SAMTOR: variants seen among roughly 807,000 people sequenced by gnomAD.
SAMTOR encodes UPF0532 protein C7orf60.
the SAMTOR span, among the ~76,000 whole-genome samples, chr7:112,915,947 TATTTCTAC>T: frequency 6.6e-6 from 1 of 152,236 alleles, no homozygotes; most frequent in East Asian, 1.9e-4. Flanking sequence ...TATCTTCTTG[TATTTCTAC>T]ATTTATTAAA....
At chr7:112,850,529 G>A in the SAMTOR span, among the ~76,000 whole-genome samples, 2 of 152,066 alleles carry the variant, frequency 1.3e-5, no homozygotes, top group Non-Finnish European at 2.9e-5. Flanking sequence ...TTGGTCCTTG[G>A]CTTTTTGTTA....
the SAMTOR span, among the ~76,000 whole-genome samples, chr7:112,880,526 TAAG>T: frequency 6.6e-6 from 1 of 152,126 alleles, no homozygotes; most frequent in African/African-American, 2.4e-5. Context: ...CTAGAAAATC[TAAG>T]GAGGGAAACT....
the SAMTOR span, chr7:112,821,634 A>G: frequency 9.6e-6 from 10 of 1,043,080 alleles, no homozygotes; most frequent in East Asian, 2.3e-4. Context: ...AAACCTCTGC[A>G]TTTCTTTTAT....
At chr7:112,917,109 A>G in the SAMTOR span, among the ~76,000 whole-genome samples, 1 of 152,244 alleles carries the variant, frequency 6.6e-6, no homozygotes, top group Non-Finnish European at 1.5e-5. Flanking sequence ...TGGTTCTCCC[A>G]GCACGCAGCT....
the SAMTOR span, among the ~76,000 whole-genome samples, chr7:112,879,289 T>A: frequency 6.6e-6 from 1 of 151,298 alleles, no homozygotes; most frequent in East Asian, 2.0e-4. Context: ...TAAGAGTTAA[T>A]CAAGCCGCCA....
chr7:112,833,791 G>A, the SAMTOR span, among the ~76,000 whole-genome samples: 1 of 152,034 alleles, frequency 6.6e-6, no homozygotes, highest in African/African-American at 2.4e-5. Flanking sequence ...AATATACTAA[G>A]CCTATTTCAA....
chr7:112,917,449 C>T, the SAMTOR span, among the ~76,000 whole-genome samples: 2 of 152,190 alleles, frequency 1.3e-5, no homozygotes, highest in South Asian at 4.1e-4. Context: ...CCCATCTGTA[C>T]ATCACCATCA....
At chr7:112,893,079 T>C in the SAMTOR span, among the ~76,000 whole-genome samples, 1 of 152,164 alleles carries the variant, frequency 6.6e-6, no homozygotes, top group East Asian at 1.9e-4. Context: ...TTCAGCATAA[T>C]TCTTAAGGGT....
chr7:112,914,184 AAAATGT>A, the SAMTOR span, among the ~76,000 whole-genome samples: 1 of 152,144 alleles, frequency 6.6e-6, no homozygotes, highest in Non-Finnish European at 1.5e-5. Context: ...AAATGGAAAG[AAAATGT>A]AAACCAGAAG....
the SAMTOR span, among the ~76,000 whole-genome samples, chr7:112,928,877 A>T: frequency 6.6e-6 from 1 of 151,924 alleles, no homozygotes; most frequent in Non-Finnish European, 1.5e-5. Flanking sequence ...ATATCCATTA[A>T]GTTCTTTAAT....
chr7:112,859,000 T>C, the SAMTOR span, among the ~76,000 whole-genome samples: 1 of 152,172 alleles, frequency 6.6e-6, no homozygotes, highest in Non-Finnish European at 1.5e-5. Context: ...TTAGCAGACT[T>C]TGAGTAAAGC....
the SAMTOR span, among the ~76,000 whole-genome samples, chr7:112,879,514 T>C: frequency 6.6e-6 from 1 of 152,092 alleles, no homozygotes; most frequent in African/African-American, 2.4e-5. Context: ...AATACAGAAG[T>C]TGATTGTCAT....
chr7:112,912,154 T>C, the SAMTOR span, among the ~76,000 whole-genome samples: 1 of 152,026 alleles, frequency 6.6e-6, no homozygotes, highest in Admixed American at 6.6e-5. Context: ...GTGTTGTGGT[T>C]ATGTAGAAAA....
At chr7:112,849,047 TA>T in the SAMTOR span, among the ~76,000 whole-genome samples, 178 of 137,714 alleles carry the variant, frequency 1.3e-3, no homozygotes, top group Non-Finnish European at 1.5e-3. Flanking sequence ...AGACTCCATC[TA>T]AAAAAAAAAA....
the SAMTOR span, among the ~76,000 whole-genome samples, chr7:112,888,888 T>C: frequency 2.6e-5 from 4 of 152,190 alleles, no homozygotes; most frequent in East Asian, 1.9e-4. Context: ...TATGTATGTT[T>C]GAGAGAGAGA....
the SAMTOR span, among the ~76,000 whole-genome samples, chr7:112,937,922 G>A: frequency 7.3e-5 from 11 of 151,724 alleles, no homozygotes; most frequent in Non-Finnish European, 1.6e-4. Context: ...TTGAAGAGAT[G>A]CCACATTAGT....
the SAMTOR span, among the ~76,000 whole-genome samples, chr7:112,880,579 T>C: frequency 6.6e-6 from 1 of 151,876 alleles, no homozygotes; most frequent in Admixed American, 6.5e-5. Flanking sequence ...TCTGCATAAA[T>C]AGCTTTAAAA....
the SAMTOR span, among the ~76,000 whole-genome samples, chr7:112,850,255 A>T: frequency 1.3e-5 from 2 of 152,124 alleles, no homozygotes; most frequent in Non-Finnish European, 2.9e-5. Flanking sequence ...AATAAAACTC[A>T]GTTATTCATG....
the SAMTOR span, chr7:112,939,285 T>A: frequency 3.4e-5 from 15 of 441,786 alleles, no homozygotes; most frequent in African/African-American, 2.8e-4. Flanking sequence ...AGCGTGTATG[T>A]GTTTGTGTGT....
Sources: allele counts gnomAD v4.1 joint callset (sites outside exome capture counted in the v4.1 genomes callset), GRCh38; gene constraint gnomAD v4.1.1; transcripts MANE v1.5; gene names NCBI Gene and HGNC (gene_info 2026-07-23, HGNC 2026-07-21).